The following ARB2A variants were observed in gnomAD, a reference collection of about 807,000 sequenced individuals.
ARB2A encodes the protein ARB2 cotranscriptional regulator A, also known as cotranscriptional regulator ARB2A.
the ARB2A span, among the ~76,000 whole-genome samples, chr5:94,094,966 G>T: frequency 6.6e-6 from 1 of 152,200 alleles, no homozygotes; most frequent in Non-Finnish European, 1.5e-5. Flanking sequence ...AACTGCCATT[G>T]TCCTCTCCCC....
the ARB2A span, among the ~76,000 whole-genome samples, chr5:93,754,550 G>A: frequency 0.084 from 12,739 of 152,238 alleles, 805 homozygotes; most frequent in African/African-American, 0.17. Flanking sequence ...ATCTAGCAAA[G>A]AGTGACCTGT....
chr5:93,665,356 A>G, the ARB2A span, among the ~76,000 whole-genome samples: 2 of 152,220 alleles, frequency 1.3e-5, no homozygotes, highest in African/African-American at 2.4e-5. Context: ...CTATTTCCAC[A>G]TAGTGCCTAG....
chr5:93,935,586 T>C, the ARB2A span, among the ~76,000 whole-genome samples: 1 of 152,162 alleles, frequency 6.6e-6, no homozygotes, highest in South Asian at 2.1e-4. Flanking sequence ...GGGGCCAAAA[T>C]ATGAATTAAT....
chr5:93,729,757 A>G, the ARB2A span, among the ~76,000 whole-genome samples: 1 of 152,128 alleles, frequency 6.6e-6, no homozygotes, highest in Admixed American at 6.6e-5. Context: ...TGTAATTAGG[A>G]TAGGTAGTTT....
the ARB2A span, chr5:93,824,342 T>C: frequency 3.8e-6 from 4 of 1,055,414 alleles, no homozygotes; most frequent in East Asian, 2.8e-5. Context: ...TTAAATTATA[T>C]GCTTGCATAC....
the ARB2A span, among the ~76,000 whole-genome samples, chr5:93,912,889 T>C: frequency 1.3e-5 from 2 of 151,834 alleles, no homozygotes; most frequent in Admixed American, 1.3e-4. Flanking sequence ...TTATTTTTCA[T>C]GTAAAGGAAG....
chr5:93,971,386 G>A, the ARB2A span, among the ~76,000 whole-genome samples: 1 of 151,918 alleles, frequency 6.6e-6, no homozygotes, highest in African/African-American at 2.4e-5. Flanking sequence ...TGGCCAACGT[G>A]GCAAAACCCT....
chr5:94,015,529 A>G, the ARB2A span, among the ~76,000 whole-genome samples: 1 of 152,212 alleles, frequency 6.6e-6, no homozygotes, highest in Non-Finnish European at 1.5e-5. Flanking sequence ...ATTGTGGTGT[A>G]CAATCTACTC....
At chr5:93,763,227 C>T in the ARB2A span, among the ~76,000 whole-genome samples, 1 of 152,040 alleles carries the variant, frequency 6.6e-6, no homozygotes, top group Admixed American at 6.6e-5. Flanking sequence ...GGGCTAAATG[C>T]TCCAATTAAA....
chr5:93,640,574 ATG>A, the ARB2A span, among the ~76,000 whole-genome samples: 771 of 143,214 alleles, frequency 5.4e-3, 4 homozygotes, highest in East Asian at 0.018. Context: ...GTGTGTGTGT[ATG>A]TGTGTGTGTG....
At chr5:93,910,492 G>A in the ARB2A span, among the ~76,000 whole-genome samples, 1 of 151,230 alleles carries the variant, frequency 6.6e-6, no homozygotes, top group African/African-American at 2.4e-5. Flanking sequence ...AAACTACTTA[G>A]GTAAAATAAG....
chr5:93,928,220 A>G, the ARB2A span, among the ~76,000 whole-genome samples: 1 of 152,194 alleles, frequency 6.6e-6, no homozygotes, highest in Non-Finnish European at 1.5e-5. Context: ...GGGAAAAATA[A>G]AAGAATTGAG....
At chr5:93,985,169 G>A in the ARB2A span, among the ~76,000 whole-genome samples, 2 of 152,090 alleles carry the variant, frequency 1.3e-5, no homozygotes, top group Non-Finnish European at 2.9e-5. Flanking sequence ...TCTTATAGCA[G>A]ACTAAATGTG....
At chr5:93,704,381 CTG>C in the ARB2A span, among the ~76,000 whole-genome samples, 3 of 152,248 alleles carry the variant, frequency 2.0e-5, no homozygotes, top group African/African-American at 7.2e-5. Flanking sequence ...TAGGGAGACT[CTG>C]TCTCTACAAA....
chr5:93,804,156 C>A, the ARB2A span, among the ~76,000 whole-genome samples: 1 of 151,938 alleles, frequency 6.6e-6, no homozygotes, highest in African/African-American at 2.4e-5. Context: ...CTTTCTAAAG[C>A]CTACATTAAA....
At chr5:93,829,284 G>A in the ARB2A span, among the ~76,000 whole-genome samples, 1 of 152,040 alleles carries the variant, frequency 6.6e-6, no homozygotes, top group African/African-American at 2.4e-5. Flanking sequence ...GGAGCAACTC[G>A]AAGTAACCTA....
At chr5:93,804,987 A>C in the ARB2A span, 1 of 983,486 alleles carries the variant, frequency 1.0e-6, no homozygotes, top group Non-Finnish European at 1.2e-6. Flanking sequence ...GAGATATCAA[A>C]TTTTATTTCA....
chr5:93,696,882 T>A, the ARB2A span, among the ~76,000 whole-genome samples: 1 of 151,794 alleles, frequency 6.6e-6, no homozygotes, highest in East Asian at 1.9e-4. Flanking sequence ...GCCAACATGG[T>A]GAAACCCTAT....
the ARB2A span, among the ~76,000 whole-genome samples, chr5:93,830,037 T>G: frequency 2.0e-5 from 3 of 152,066 alleles, no homozygotes; most frequent in East Asian, 3.9e-4. Flanking sequence ...TTCAAACTTT[T>G]GAGAGTGAAG....
Sources: gnomAD v4.1 joint callset for allele counts (sites outside exome capture counted in the v4.1 genomes callset) on GRCh38, gnomAD v4.1.1 for gene constraint, MANE v1.5 for transcripts, NCBI Gene and HGNC (gene_info 2026-07-23, HGNC 2026-07-21) for gene names.